Variants in RAB6A observed in about 807,000 individuals in gnomAD.
RAB6A encodes the protein RAB6A, member RAS oncogene family.
A neutral mutation model predicts 32.3 loss-of-function variants in RAB6A; 8 were observed. That is an observed-to-expected ratio of 0.25 (90% confidence interval 0.15 to 0.45). The LOEUF is 0.45. RAB6A is among the 20% of genes least tolerant of loss of function. The pLI is 1.00. For missense variants in RAB6A, 104 were observed against 249.4 expected (o/e 0.42, Z 3.93); for synonymous variants, 73 against 82.1 (o/e 0.89, Z 0.60).
At chr11:73,735,111 C>T (rs1946374351) in intron 1 of RAB6A, among the ~76,000 whole-genome samples, 1 of 152,180 alleles carries the variant, frequency 6.6e-6, no homozygotes, top group African/African-American at 2.4e-5. Flanking sequence ...ACAATTTCAA[C>T]ATTTATAATA....
intron 5 of RAB6A, among the ~76,000 whole-genome samples, chr11:73,710,441 A>G (rs959195818): frequency 6.6e-6 from 1 of 151,828 alleles, no homozygotes; most frequent in Admixed American, 6.6e-5. Flanking sequence ...TGTTTACTAA[A>G]AACAGTTAAG....
intron 6 of RAB6A, among the ~76,000 whole-genome samples, chr11:73,690,202 T>C (rs1350638468): frequency 6.6e-6 from 1 of 152,190 alleles, no homozygotes; most frequent in Non-Finnish European, 1.5e-5. Context: ...TTAGATTCAT[T>C]CTAATAAAAA....
rs1399283764 is a variant in RAB6A, at chr11:73,731,272, C to T, written c.71-449G>A. The stretch of plus-strand genomic sequence containing the variant: ...AAGAGTGAGAAAAACTGGCCAGGTG[C>T]GATGGTTCACGCCTGTAATCCCAGC... On this transcript the variant is annotated intron_variant, in intron 1 of 7. Transcript: ENST00000336083. Among the ~76,000 whole-genome samples, 5 of 152,046 alleles carry T rather than the reference C, an allele frequency of 3.3e-5. No homozygotes were observed. In the East Asian group the frequency reaches 7.7e-4, roughly 24 times the overall value.
intron 1 of RAB6A, among the ~76,000 whole-genome samples, chr11:73,753,525 C>T (rs1302518014): frequency 2.0e-5 from 3 of 151,230 alleles, no homozygotes; most frequent in South Asian, 4.2e-4. Context: ...TCCTGGCTAA[C>T]ACGGTGAAAC....
chr11:73,699,261 C>T (rs949498900), intron 6 of RAB6A, among the ~76,000 whole-genome samples: 2 of 151,598 alleles, frequency 1.3e-5, no homozygotes, highest in African/African-American at 4.8e-5. Context: ...TGCTTCTCTC[C>T]TTTTTAATTT....
chr11:73,730,250 T>C (rs1179837109), intron 2 of RAB6A: 2 of 152,580 alleles, frequency 1.3e-5, no homozygotes, highest in Non-Finnish European at 2.9e-5. Context: ...AGCACTGCTT[T>C]AGTTGTATAC....
At chr11:73,720,556 T>C (rs1018278727) in intron 3 of RAB6A, among the ~76,000 whole-genome samples, 2 of 152,176 alleles carry the variant, frequency 1.3e-5, no homozygotes, top group Admixed American at 6.5e-5. Flanking sequence ...GTTCACAAAT[T>C]GAAATCTTTT....
At chr11:73,703,124 AT>A (rs111839780) in intron 6 of RAB6A, among the ~76,000 whole-genome samples, 2 of 151,714 alleles carry the variant, frequency 1.3e-5, no homozygotes, top group South Asian at 4.2e-4. Context: ...GCCTGGCCTA[AT>A]TAAAAAAAAT....
At position 73,679,610 on chromosome 11, in the gene RAB6A, C is replaced by CT. The variant is rs568963466; in HGVS notation, c.562+43dup. 6.0e-4 allele frequency: 962 copies of CT among 1,606,282 alleles called. 8 individuals carry two copies. The African/African-American group carries it at 0.012, about 19-fold the overall frequency. On this transcript the variant is annotated intron_variant, in intron 7 of 7. Coordinates refer to ENST00000336083, the MANE Select transcript of RAB6A (RefSeq NM_198896.2). ...AGCCAAGCAAGCAGGGCTCTAAAGA[C>CT]TAGTGTTAATAATGAAAAATTTCCA...
intron 1 of RAB6A, among the ~76,000 whole-genome samples, chr11:73,741,993 TA>T (rs1244115163): frequency 6.6e-6 from 1 of 151,684 alleles, no homozygotes; most frequent in African/African-American, 2.4e-5. Context: ...AAAGAAAAAA[TA>T]AAATAGGCTG....
intron 6 of RAB6A, among the ~76,000 whole-genome samples, chr11:73,699,382 T>C (rs1207173570): frequency 6.6e-6 from 1 of 152,154 alleles, no homozygotes; most frequent in Non-Finnish European, 1.5e-5. Flanking sequence ...TCTCAGGCTC[T>C]CTCAGGCTCC....
At chr11:73,719,224 TTAAA>T (rs924524054) in intron 3 of RAB6A, among the ~76,000 whole-genome samples, 25 of 152,278 alleles carry the variant, frequency 1.6e-4, no homozygotes, top group African/African-American at 4.3e-4. Context: ...CTGTTGATGG[TTAAA>T]TAGAGAAAAA....
chr11:73,760,823 C>T lies in RAB6A; in HGVS notation c.-188G>A. ...CACAGACTGGCAGCCGCCGCCGCCT[C>T]CCGGCAGAGTAGCCTAGCACCGAGC... is the stretch of plus-strand genomic sequence containing the variant. On this transcript the variant is annotated 5_prime_UTR_variant, in exon 1 of 8. Transcript: ENST00000336083. 2 of 792,524 alleles carry T rather than the reference C, an allele frequency of 2.5e-6. No homozygotes were observed. Among genetic ancestry groups the T allele is most frequent in the Non-Finnish European group, 2.0e-6 (1 of 503,838 alleles). The allele number at this position is 792,524 out of a possible 1,614,324, so 49.1% of individuals were successfully genotyped here.
At chr11:73,707,224 C>A (rs892836981) in intron 6 of RAB6A, among the ~76,000 whole-genome samples, 196 bp downstream of exon 6, 1 of 151,898 alleles carries the variant, frequency 6.6e-6, no homozygotes, top group Non-Finnish European at 1.5e-5. Flanking sequence ...GTAGTTCTAT[C>A]CACGATCTGA....
chr11:73,753,501 G>T (rs1253315705), intron 1 of RAB6A, among the ~76,000 whole-genome samples: 3 of 151,618 alleles, frequency 2.0e-5, no homozygotes, highest in African/African-American at 2.4e-5. Flanking sequence ...CACGAGGTCA[G>T]GAGATCGAGA....
At chr11:73,706,714 A>G (rs1945851926) in intron 6 of RAB6A, among the ~76,000 whole-genome samples, 2 of 152,176 alleles carry the variant, frequency 1.3e-5, no homozygotes, top group Admixed American at 1.3e-4. Flanking sequence ...AAACACCAGC[A>G]TTTTATTAAG....
chr11:73,703,987 C>T (rs1945791712), intron 6 of RAB6A, among the ~76,000 whole-genome samples: 1 of 150,156 alleles, frequency 6.7e-6, no homozygotes, highest in Non-Finnish European at 1.5e-5. Context: ...CGAGGTGGTG[C>T]CACTGCACTC....
At position 73,727,254 on chromosome 11, in the gene RAB6A, T is replaced by C. The variant is rs532659774; in HGVS notation, c.129+3511A>G. Among the ~76,000 whole-genome samples the C allele has an allele frequency of 1.4e-4, 21 of 152,012 alleles. No homozygotes were observed. The South Asian group carries it at 4.4e-3, about 32-fold the overall frequency. ...TTAGGCAAGATGGCAAAAACCCATC[T>C]GTACAAAAAAAATTTTTTTTAATTA... On this transcript the variant is annotated intron_variant, in intron 2 of 7. Transcript: ENST00000336083.
chr11:73,692,427 C>T (rs1480660487), intron 6 of RAB6A, among the ~76,000 whole-genome samples: 4 of 137,126 alleles, frequency 2.9e-5, no homozygotes, highest in Admixed American at 7.8e-5. Context: ...GGCGTGAACC[C>T]GGGAGGCGGA....
Sources: allele counts gnomAD v4.1 joint callset (sites outside exome capture counted in the v4.1 genomes callset), GRCh38; gene constraint gnomAD v4.1.1; transcripts MANE v1.5; gene names NCBI Gene and HGNC (gene_info 2026-07-23, HGNC 2026-07-21).